Variants in DGKI observed in about 807,000 individuals in gnomAD.
DGKI encodes the protein DAG kinase iota.
DGKI carries 55 observed loss-of-function variants against 147.5 expected under a neutral mutation model. The ratio of observed to expected loss-of-function variants is 0.37; its 90% confidence interval spans 0.30 to 0.47. DGKI has a LOEUF of 0.47. Ranked by LOEUF, DGKI falls within the 20% of genes least tolerant of loss-of-function variation. DGKI has a pLI of 1.00. For synonymous variants in DGKI, 469 were observed against 477.1 expected (o/e 0.98, Z 0.22); for missense variants, 1,007 against 1,323.8 (o/e 0.76, Z 3.71).
chr7:137,809,010 T>C (rs1252982041), intron 1 of DGKI, among the ~76,000 whole-genome samples: 1 of 152,184 alleles, frequency 6.6e-6, no homozygotes, highest in East Asian at 1.9e-4. Context: ...ACCCAAAAGC[T>C]TCCCAGAATC....
intron 1 of DGKI, among the ~76,000 whole-genome samples, chr7:137,706,181 G>A (rs1585391790): frequency 6.6e-6 from 1 of 151,784 alleles, no homozygotes; most frequent in Non-Finnish European, 1.5e-5. Flanking sequence ...CTACTATATT[G>A]CCAGGATCAA....
chr7:137,464,485 C>T (rs1034711816), intron 26 of DGKI, among the ~76,000 whole-genome samples: 3 of 152,106 alleles, frequency 2.0e-5, no homozygotes, highest in South Asian at 4.1e-4. Context: ...ATGTGCCCCA[C>T]GAAGTTGGCC....
At chr7:137,523,297 G>A (rs1424283833) in intron 20 of DGKI, among the ~76,000 whole-genome samples, 1 of 151,946 alleles carries the variant, frequency 6.6e-6, no homozygotes, top group African/African-American at 2.4e-5. Context: ...TCATTCTGTT[G>A]TCTAAAGCCT....
chr7:137,511,007 C>T (rs138460914), intron 21 of DGKI, among the ~76,000 whole-genome samples: 1,895 of 152,246 alleles, frequency 0.012, 151 homozygotes, highest in Admixed American at 0.12. Flanking sequence ...GAAACCCACT[C>T]GGTACTGAGA....
rs769600861 is a variant in DGKI, at chr7:137,387,096, C to T, written c.*4124G>A. 2 of 152,110 alleles carry T rather than the reference C, an allele frequency of 1.3e-5. No homozygotes were observed. Among genetic ancestry groups the T allele is most frequent in the Non-Finnish European group, 2.9e-5 (2 of 68,006 alleles). The allele number at this position is 152,110 out of a possible 1,614,324, so 9.4% of individuals were successfully genotyped here. A position where few individuals can be genotyped will look rare whatever the true frequency, so the allele number is the denominator to read the frequency against. ...AGACCCCCATACTACACTGAAGTTA[C>T]ACCTTCCCGGAAGTAGCCTGCCCTA... is the stretch of plus-strand genomic sequence containing the variant. On this transcript the variant is annotated 3_prime_UTR_variant, in exon 33 of 33. Coordinates refer to ENST00000614521, the MANE Select transcript of DGKI (RefSeq NM_001321708.2).
chr7:137,810,692 C>A (rs1423725538), intron 1 of DGKI, among the ~76,000 whole-genome samples: 1 of 152,094 alleles, frequency 6.6e-6, no homozygotes, highest in Non-Finnish European at 1.5e-5. Context: ...TGGACCCAGG[C>A]TGACAATTAA....
intron 10 of DGKI, among the ~76,000 whole-genome samples, chr7:137,605,229 A>G (rs1820135233): frequency 6.6e-6 from 1 of 151,664 alleles, no homozygotes; most frequent in Non-Finnish European, 1.5e-5. Flanking sequence ...AATTGCTTGA[A>G]CCTGGGAGGT....
intron 23 of DGKI, among the ~76,000 whole-genome samples, chr7:137,483,042 A>G (rs936010796): frequency 1.3e-5 from 2 of 152,120 alleles, no homozygotes; most frequent in Admixed American, 6.6e-5. Context: ...AAAATAATGC[A>G]GCAATATTTT....
chr7:137,735,276 A>T (rs2116681773), intron 1 of DGKI, among the ~76,000 whole-genome samples: 1 of 152,228 alleles, frequency 6.6e-6, no homozygotes, highest in Admixed American at 6.5e-5. Context: ...CTTTTGTTTT[A>T]GCAACGCTAA....
At chr7:137,585,413 C>A (rs373169464) in intron 13 of DGKI, 67 bp from the exon 14 acceptor site, 2 of 1,550,460 alleles carry the variant, frequency 1.3e-6, no homozygotes, top group African/African-American at 1.4e-5. Context: ...TGCTATTTTA[C>A]GCAAGGAAGA....
chr7:137,503,105 C>T (rs1391066608), intron 21 of DGKI, among the ~76,000 whole-genome samples: 1 of 152,134 alleles, frequency 6.6e-6, no homozygotes, highest in Non-Finnish European at 1.5e-5. Context: ...CATTCCTCTC[C>T]TTTTCCGATA....
Position 137,391,269 on chromosome 7 carries a change from C to A in DGKI, c.3125G>T (p.Arg1042Leu). Residue 1042 changes from arginine (R) to leucine (L), a missense_variant, in exon 33 of 33, where the codon CGT becomes CTT. Physicochemically the swap from Arg to Leu is moderately radical, Grantham distance 102. Coordinates refer to ENST00000614521, the MANE Select transcript of DGKI (RefSeq NM_001321708.2). The stretch of plus-strand genomic sequence containing the variant: ...ATGGCCAATGACCTTATAGTTCTGA[C>A]GGCTTTCTAGGTAAGCAGCCAAGTC... ...DPDLAAYLES[R>L]QNYKVIGHED... The A allele has an allele frequency of 6.2e-7, 1 of 1,613,668 alleles. No homozygotes were observed. The highest frequency in any genetic ancestry group is 8.5e-7 in the Non-Finnish European group (1 of 1,179,884).
At chr7:137,803,187 C>T (rs896489766) in intron 1 of DGKI, among the ~76,000 whole-genome samples, 17 of 152,034 alleles carry the variant, frequency 1.1e-4, no homozygotes, top group South Asian at 2.1e-4. Flanking sequence ...TGAGAGAAAA[C>T]GCAGGTGAGA....
At chr7:137,692,655 C>G (rs1459642091) in intron 1 of DGKI, among the ~76,000 whole-genome samples, 1 of 152,218 alleles carries the variant, frequency 6.6e-6, no homozygotes, top group East Asian at 1.9e-4. Context: ...TTCAAGGATG[C>G]AAGCCACGTG....
chr7:137,577,408 T>C lies in DGKI; in HGVS notation c.1699-124A>G, dbSNP rs139752695. 350 of 704,400 alleles carry C rather than the reference T, an allele frequency of 5.0e-4. 2 individuals are homozygous for C. In the East Asian group the frequency reaches 7.8e-3, roughly 16 times the overall value. The allele number at this position is 704,400 out of a possible 1,614,324, so 43.6% of individuals were successfully genotyped here. Reference sequence around the variant, plus strand: ...AAAAATTCTAAACATGTTCTCTTTCTGCAGAATCCAAAGTAAAGCAGTGCA... The same window carrying C: ...AAAAATTCTAAACATGTTCTCTTTCCGCAGAATCCAAAGTAAAGCAGTGCA... On this transcript the variant is annotated intron_variant, in intron 16 of 32. Transcript: ENST00000614521.
intron 23 of DGKI, among the ~76,000 whole-genome samples, chr7:137,477,382 G>A (rs1208233891): frequency 6.6e-6 from 1 of 152,080 alleles, no homozygotes; most frequent in African/African-American, 2.4e-5. Flanking sequence ...ATGTTGCATG[G>A]TTTTCATTTC....
At chr7:137,835,621 A>G (rs1798354276) in intron 1 of DGKI, among the ~76,000 whole-genome samples, 1 of 152,056 alleles carries the variant, frequency 6.6e-6, no homozygotes, top group Non-Finnish European at 1.5e-5. Context: ...TTAAACATAT[A>G]CCATCACACT....
chr7:137,759,441 A>C (rs1032830635), intron 1 of DGKI, among the ~76,000 whole-genome samples: 5 of 152,056 alleles, frequency 3.3e-5, no homozygotes, highest in Non-Finnish European at 7.4e-5. Flanking sequence ...TCCCAGGTTC[A>C]AACGATTCTC....
intron 5 of DGKI, among the ~76,000 whole-genome samples, chr7:137,646,336 A>G (rs998555918): frequency 6.6e-6 from 1 of 152,254 alleles, no homozygotes; most frequent in Non-Finnish European, 1.5e-5. Context: ...AAGAGATACA[A>G]GCATATCAAT....
Sources: gnomAD v4.1 joint callset for allele counts (sites outside exome capture counted in the v4.1 genomes callset) on GRCh38, gnomAD v4.1.1 for gene constraint, MANE v1.5 for transcripts, NCBI Gene and HGNC (gene_info 2026-07-23, HGNC 2026-07-21) for gene names.